UNC93A: variants seen among roughly 807,000 people sequenced by gnomAD.
UNC93A encodes the protein N-acetylglucosamine transporter UNC93A.
In UNC93A, 43 loss-of-function variants were observed where a neutral mutation model predicts 47.5. The ratio of observed to expected loss-of-function variants is 0.91; its 90% confidence interval spans 0.71 to 1.17. The LOEUF is 1.17. UNC93A is among the 50% of genes most tolerant of loss of function. The pLI is 0.00. For synonymous variants in UNC93A, 280 were observed against 258.0 expected (o/e 1.09, Z -0.82); for missense variants, 605 against 577.6 (o/e 1.05, Z -0.49).
At chr6:167,286,397 T>C (rs918052101), upstream of UNC93A, among the ~76,000 whole-genome samples, 11 of 152,204 alleles carry the variant, frequency 7.2e-5, no homozygotes, top group East Asian at 1.9e-4. Context: ...GGTCATTGCA[T>C]CGTAGCTGGA....
chr6:167,308,577 A>G (rs572917149), intron 7 of UNC93A, among the ~76,000 whole-genome samples: 3 of 150,756 alleles, frequency 2.0e-5, no homozygotes, highest in Admixed American at 2.0e-4. Context: ...AGGAGGAACC[A>G]GGGCAGGAGG....
chr6:167,289,611 G>A (rs369971398), upstream of UNC93A, among the ~76,000 whole-genome samples: 5 of 152,042 alleles, frequency 3.3e-5, no homozygotes, highest in Admixed American at 6.6e-5. Context: ...TGGTGAAGGG[G>A]AGGGGAAGAG....
chr6:167,290,571 C>G (rs182348188), upstream of UNC93A, among the ~76,000 whole-genome samples: 2 of 152,090 alleles, frequency 1.3e-5, no homozygotes, highest in African/African-American at 4.8e-5. Context: ...AGACTTACCC[C>G]GTCTAATACA....
chr6:167,295,956 T>G lies in UNC93A; in HGVS notation c.270-76T>G. 7 of 1,409,374 alleles carry G rather than the reference T, an allele frequency of 5.0e-6. No individual in the cohort carries two copies. The South Asian group carries it at 8.8e-5, about 18-fold the overall frequency. The allele number at this position is 1,409,374 out of a possible 1,614,324, so 87.3% of individuals were successfully genotyped here. ...CGGTGGTTCCTTCTCCCAGATTGAC[T>G]AAAGAACTGCAGGGACATGGGTGCA... On this transcript the variant is annotated intron_variant, in intron 2 of 7. Coordinates refer to ENST00000230256, the MANE Select transcript of UNC93A (RefSeq NM_018974.4).
intron 1 of UNC93A, among the ~76,000 whole-genome samples, chr6:167,284,795 G>A (rs1360941417): frequency 1.3e-5 from 2 of 151,638 alleles, no homozygotes; most frequent in Non-Finnish European, 2.9e-5. Flanking sequence ...GGACTCTGAG[G>A]GCGGTCGCCA....
Position 167,307,781 on chromosome 6 carries a change from G to C in UNC93A, c.979G>C (p.Ala327Pro), listed in dbSNP as rs148838918. The change falls in exon 7 of 8, where the codon GCG becomes CCG. Residue 327 changes from alanine to proline, a missense_variant and splice_region_variant. Coordinates refer to ENST00000230256, the MANE Select transcript of UNC93A (RefSeq NM_018974.4). The part of the protein sequence containing the change: ...TGRAVLYVLG[A>P]VTHVSCMIAL... ...CGGTTTCCCCTCTGCACCCCCAGGC[G>C]CGGTGACCCACGTGTCCTGCATGAT... 2 of 1,592,634 alleles carry C rather than the reference G, an allele frequency of 1.3e-6. No homozygotes were observed. The highest frequency in any genetic ancestry group is 1.7e-6 in the Non-Finnish European group (2 of 1,172,768).
At chr6:167,286,080 T>A (rs1232495750) in intron 1 of UNC93A, among the ~76,000 whole-genome samples, 1 of 146,188 alleles carries the variant, frequency 6.8e-6, no homozygotes, top group Non-Finnish European at 1.5e-5. Context: ...TGAATATATA[T>A]ACATATCTTA....
In UNC93A at chr6:167,278,745, GCAGA is replaced by G. The variant is rs761844690; in HGVS notation, c.-52+7293_-52+7296del. Among the ~76,000 whole-genome samples, 222 of 152,252 alleles carry G rather than the reference GCAGA, an allele frequency of 1.5e-3. 2 individuals carry two copies. The highest frequency in any genetic ancestry group is 2.7e-3 in the Non-Finnish European group (187 of 68,020). On this transcript the variant is annotated intron_variant, in intron 1 of 3. Coordinates refer to the UNC93A transcript ENST00000503433. ...TTCATTCCTCCGCCCTGGCTGCACTGCAGACAGACGCTGGGGAGACCTCGCCTTC... is the reference window on the plus strand; with the variant it reads ...TTCATTCCTCCGCCCTGGCTGCACTGCAGACGCTGGGGAGACCTCGCCTTC...
chr6:167,270,597 G>T (rs1218121906), upstream of UNC93A, among the ~76,000 whole-genome samples: 1 of 152,158 alleles, frequency 6.6e-6, no homozygotes, highest in Non-Finnish European at 1.5e-5. Flanking sequence ...CCCTAACCTG[G>T]TGCCTGTGAA....
At chr6:167,305,890 C>T (rs200465114) in intron 5 of UNC93A, 25 bp from the exon 6 acceptor site, 99 of 1,613,848 alleles carry the variant, frequency 6.1e-5, no homozygotes, top group Admixed American at 4.0e-4. Context: ...GCGTCCATGA[C>T]GTGGCTCTGC....
At position 167,315,251 on chromosome 6, in the gene UNC93A, G is replaced by A. The variant is rs748461928; in HGVS notation, c.1173G>A (p.Glu391=). ...EAAFANYRLW[E]ALGFVIAFGY... is the part of the protein sequence containing the mutation. ...CCTTCGCCAATTACCGCCTGTGGGA[G>A]GCCCTGGGCTTCGTCATTGCCTTCG... is the stretch of plus-strand genomic sequence containing the variant. Residue 391 remains glutamate (E), a synonymous_variant, in exon 8 of 8, where the codon GAG becomes GAA. Transcript: ENST00000230256. The A allele has an allele frequency of 1.3e-5, 21 of 1,613,840 alleles. No individual in the cohort carries two copies. Among genetic ancestry groups the A allele is most frequent in the Non-Finnish European group, 1.7e-5 (20 of 1,179,874 alleles).
At chr6:167,306,957 G>A (rs1279265632) in intron 6 of UNC93A, among the ~76,000 whole-genome samples, 2 of 152,170 alleles carry the variant, frequency 1.3e-5, no homozygotes, top group Non-Finnish European at 2.9e-5. Context: ...GACCTGCTGG[G>A]ACGAGTCACA....
rs141768130 is a variant in UNC93A at position 167,315,398 on chromosome 6, C to T, written c.1320C>T (p.His440=). ...CVESKNPIRP[H]APGQVNQAED... ...AGTCCAAGAACCCGATCAGACCCCA[C>T]GCTCCAGGACAGGTCAACCAGGCAG... Residue 440 remains histidine, a synonymous_variant, in exon 8 of 8, where the codon CAC becomes CAT. Transcript: ENST00000230256. 8.2e-5 allele frequency: 132 copies of T among 1,613,906 alleles called. 1 individual carries two copies. In the African/African-American group the frequency reaches 9.9e-4, roughly 12 times the overall value.
chr6:167,314,625 T>C (rs1013140445), intron 7 of UNC93A, among the ~76,000 whole-genome samples: 9 of 152,296 alleles, frequency 5.9e-5, no homozygotes, highest in African/African-American at 1.9e-4. Flanking sequence ...CCAACGTGCC[T>C]CCCGTTCTAT....
intron 5 of UNC93A, among the ~76,000 whole-genome samples, 165 bp from the exon 6 acceptor site, chr6:167,305,750 C>T (rs1161146222): frequency 2.6e-5 from 4 of 152,172 alleles, no homozygotes; most frequent in Non-Finnish European, 5.9e-5. Context: ...TTACAAACAC[C>T]AGCTTTTCTC....
In UNC93A at chr6:167,307,764, C is replaced by T. The variant is rs779992657; in HGVS notation, c.977-15C>T. On this transcript the variant is annotated splice_polypyrimidine_tract_variant and intron_variant, in intron 6 of 7. Transcript: ENST00000230256. Reference sequence around the variant, plus strand: ...TGGCCCTCATCGCCTGGCGGTTTCCCCTCTGCACCCCCAGGCGCGGTGACC... The same window carrying T: ...TGGCCCTCATCGCCTGGCGGTTTCCTCTCTGCACCCCCAGGCGCGGTGACC... The T allele has an allele frequency of 1.2e-5, 19 of 1,588,580 alleles. No homozygotes were observed. Among genetic ancestry groups the T allele is most frequent in the Admixed American group, 5.2e-5 (3 of 58,056 alleles).
chr6:167,299,616 G>A (rs1778185049), intron 4 of UNC93A, among the ~76,000 whole-genome samples: 1 of 152,324 alleles, frequency 6.6e-6, no homozygotes, highest in African/African-American at 2.4e-5. Context: ...AGACCAGTCC[G>A]ACAGTGTTCT....
upstream of UNC93A, among the ~76,000 whole-genome samples, chr6:167,287,268 G>C (rs1783753519): frequency 6.6e-6 from 1 of 152,174 alleles, no homozygotes; most frequent in Non-Finnish European, 1.5e-5. Context: ...AGAAACGGCT[G>C]CTGAGCTGCA....
chr6:167,311,958 T>C (rs1416447640), intron 7 of UNC93A, among the ~76,000 whole-genome samples: 1 of 148,244 alleles, frequency 6.7e-6, no homozygotes, highest in Non-Finnish European at 1.5e-5. Context: ...CAGCCTTTAT[T>C]TGGGTTCCTC....
Sources: allele counts gnomAD v4.1 joint callset (sites outside exome capture counted in the v4.1 genomes callset), GRCh38; gene constraint gnomAD v4.1.1; transcripts MANE v1.5; gene names NCBI Gene and HGNC (gene_info 2026-07-23, HGNC 2026-07-21).